Variants in RIMS1 observed in about 807,000 individuals in gnomAD.
RIMS1 encodes regulating synaptic membrane exocytosis protein 1.
In RIMS1, 83 loss-of-function variants were observed where a neutral mutation model predicts 214.1. That is an observed-to-expected ratio of 0.39 (90% confidence interval 0.32 to 0.47). The LOEUF (loss-of-function observed/expected upper bound fraction) is 0.47. Ranked by LOEUF, RIMS1 falls within the 20% of genes least tolerant of loss-of-function variation. RIMS1 has a pLI of 0.99. For synonymous variants in RIMS1, 793 were observed against 786.8 expected, an observed-to-expected ratio of 1.01 and a Z score of -0.13; for missense variants, 2,050 against 2,161.8, an observed-to-expected ratio of 0.95 and a Z score of 1.03.
At chr6:72,057,784 G>A (rs943878897) in intron 2 of RIMS1, among the ~76,000 whole-genome samples, 2 of 152,170 alleles carry the variant, frequency 1.3e-5, no homozygotes, top group African/African-American at 4.8e-5. Flanking sequence ...TGGGATTACA[G>A]GCGTGAGACA....
intron 6 of RIMS1, among the ~76,000 whole-genome samples, chr6:72,228,358 A>G (rs1025722747): frequency 9.9e-5 from 15 of 151,870 alleles, no homozygotes; most frequent in Admixed American, 5.3e-4. Flanking sequence ...CTCTGTTTCC[A>G]TGAATTTGAC....
chr6:72,350,252 C>G (rs566394265), intron 29 of RIMS1, among the ~76,000 whole-genome samples: 3 of 152,118 alleles, frequency 2.0e-5, no homozygotes, highest in Non-Finnish European at 2.9e-5. Flanking sequence ...ATGTGTTGAC[C>G]ATGATAATAA....
At chr6:72,003,282 C>G (rs749666193) in intron 2 of RIMS1, among the ~76,000 whole-genome samples, 6 of 152,050 alleles carry the variant, frequency 3.9e-5, no homozygotes, top group Non-Finnish European at 8.8e-5. Flanking sequence ...CACTGGACAC[C>G]CTTACCTAAA....
chr6:72,394,806 A>T (rs1468915896), intron 31 of RIMS1, among the ~76,000 whole-genome samples: 1 of 152,086 alleles, frequency 6.6e-6, no homozygotes, highest in Non-Finnish European at 1.5e-5. Context: ...GAATGTCTAG[A>T]ACAACAAAGT....
In RIMS1 at chr6:72,062,872, C is replaced by T. The variant is rs116068480; in HGVS notation, c.246-34077C>T. On this transcript the variant is annotated intron_variant, in intron 2 of 33. Coordinates refer to ENST00000521978, the MANE Select transcript of RIMS1 (RefSeq NM_014989.7). Reference sequence around the variant, plus strand: ...CTTCACAAGGCACATCATCTTTCCTCTGTACTTCTCTGTCTCTGTGGCCAA... The same window carrying T: ...CTTCACAAGGCACATCATCTTTCCTTTGTACTTCTCTGTCTCTGTGGCCAA... Among the ~76,000 whole-genome samples the T allele has an allele frequency of 5.7e-3, 863 of 152,232 alleles. 7 individuals are homozygous for T. The highest frequency in any genetic ancestry group is 0.019 in the African/African-American group (809 of 41,522).
chr6:72,079,104 T>C (rs1247752049), intron 2 of RIMS1, among the ~76,000 whole-genome samples: 1 of 152,156 alleles, frequency 6.6e-6, no homozygotes, highest in African/African-American at 2.4e-5. Flanking sequence ...AACCATTTAA[T>C]ATAACCTCTA....
At chr6:72,339,245 G>A (rs1564255684) in intron 29 of RIMS1, among the ~76,000 whole-genome samples, 1 of 151,622 alleles carries the variant, frequency 6.6e-6, no homozygotes, top group Non-Finnish European at 1.5e-5. Flanking sequence ...GCACAACTGA[G>A]GGAAGAGTAC....
intron 4 of RIMS1, among the ~76,000 whole-genome samples, chr6:72,139,356 A>T (rs916666022): frequency 1.3e-5 from 2 of 152,186 alleles, no homozygotes; most frequent in East Asian, 3.8e-4. Context: ...GACTTCCTTT[A>T]TAAGTCTGGC....
At chr6:72,392,337 A>T (rs1596210516) in intron 30 of RIMS1, among the ~76,000 whole-genome samples, 1 of 152,218 alleles carries the variant, frequency 6.6e-6, no homozygotes, top group Admixed American at 6.5e-5. Context: ...TTTAGCATGA[A>T]TGTTACCTAA....
intron 2 of RIMS1, among the ~76,000 whole-genome samples, chr6:71,997,300 T>A (rs1285367552): frequency 6.6e-6 from 1 of 152,186 alleles, no homozygotes; most frequent in Non-Finnish European, 1.5e-5. Context: ...TAAATATATT[T>A]ATAAACTAGA....
At chr6:72,286,895 CAGAT>C (rs1452955244) in intron 24 of RIMS1, among the ~76,000 whole-genome samples, 1 of 152,170 alleles carries the variant, frequency 6.6e-6, no homozygotes, top group African/African-American at 2.4e-5. Context: ...AACCTCATGA[CAGAT>C]AGCCTTTTAA....
intron 29 of RIMS1, among the ~76,000 whole-genome samples, chr6:72,341,938 A>G (rs754244077): frequency 2.0e-5 from 3 of 151,830 alleles, no homozygotes; most frequent in Non-Finnish European, 4.4e-5. Context: ...ATTATGGAAA[A>G]TATTGCAGGA....
At chr6:71,953,544 G>C (rs571698884) in intron 1 of RIMS1, among the ~76,000 whole-genome samples, 2 of 152,198 alleles carry the variant, frequency 1.3e-5, no homozygotes, top group African/African-American at 4.8e-5. Context: ...TAGATCCATT[G>C]ATGTAAATTG....
intron 4 of RIMS1, among the ~76,000 whole-genome samples, chr6:72,108,382 G>A (rs2035233351): frequency 6.6e-6 from 1 of 152,060 alleles, no homozygotes; most frequent in South Asian, 2.1e-4. Context: ...GAGCCACTGG[G>A]CCTTACCCAG....
intron 22 of RIMS1, among the ~76,000 whole-genome samples, chr6:72,269,962 A>G (rs2082245725): frequency 6.6e-6 from 1 of 152,140 alleles, no homozygotes; most frequent in East Asian, 1.9e-4. Context: ...ACACACGCAC[A>G]TACTTCCTTT....
chr6:72,382,876 T>C (rs1458935390), intron 29 of RIMS1, among the ~76,000 whole-genome samples: 1 of 152,222 alleles, frequency 6.6e-6, no homozygotes, highest in East Asian at 1.9e-4. Context: ...GAAAATCTCT[T>C]AAATAGCAAT....
chr6:72,085,631 C>G (rs368879910), intron 2 of RIMS1, among the ~76,000 whole-genome samples: 2 of 152,040 alleles, frequency 1.3e-5, no homozygotes, highest in Admixed American at 1.3e-4. Flanking sequence ...GCAGTCTCTG[C>G]CACATGGTGG....
In RIMS1 at chr6:72,014,444, A is replaced by C. The variant is rs956024466; in HGVS notation, c.245+45381A>C. ...TGCATGGAGCATATATAAATATTTC[A>C]TTCTTTTTTATTGCTGGATAATATT... On this transcript the variant is annotated intron_variant, in intron 2 of 33. Transcript: ENST00000521978. Among the ~76,000 whole-genome samples the C allele has an allele frequency of 2.0e-5, 3 of 152,168 alleles. No individual in the cohort carries two copies. In the South Asian group the frequency reaches 6.2e-4, roughly 32 times the overall value.
At chr6:71,928,987 A>G (rs1048373493) in intron 1 of RIMS1, among the ~76,000 whole-genome samples, 1 of 152,168 alleles carries the variant, frequency 6.6e-6, no homozygotes, top group Non-Finnish European at 1.5e-5. Context: ...TGTCAAAAAC[A>G]TGCTCACATT....
Sources: gnomAD v4.1 joint callset for allele counts (sites outside exome capture counted in the v4.1 genomes callset) on GRCh38, gnomAD v4.1.1 for gene constraint, MANE v1.5 for transcripts, NCBI Gene and HGNC (gene_info 2026-07-23, HGNC 2026-07-21) for gene names.